The following SAG variants were observed in gnomAD, a reference collection of about 807,000 sequenced individuals.
The protein encoded by SAG is S-arrestin.
A neutral mutation model predicts 55.0 loss-of-function variants in SAG; 45 were observed. The ratio of observed to expected loss-of-function variants is 0.82; its 90% CI spans 0.64 to 1.05. The LOEUF (loss-of-function observed/expected upper bound fraction) is 1.05, where lower values mean the gene tolerates loss of function less well. Ranked by LOEUF, SAG falls within the 50% of genes least tolerant of loss-of-function variation. SAG has a pLI of 0.00. For missense variants in SAG, 455 were observed against 512.1 expected (o/e 0.89, Z 1.08); for synonymous variants, 189 against 197.4 (o/e 0.96, Z 0.36).
chr2:233,346,355 T>C (rs1701252169), intron 14 of SAG, 48 bp from the exon 15 acceptor site: 1 of 1,601,280 alleles, frequency 6.2e-7, no homozygotes, highest in Non-Finnish European at 8.6e-7. Flanking sequence ...GACTAACAAA[T>C]GTCTCTCTCT....
intron 11 of SAG, 171 bp from the exon 12 acceptor site, chr2:233,338,505 C>T (rs1701005893): frequency 4.7e-6 from 3 of 635,760 alleles, no homozygotes; most frequent in Non-Finnish European, 8.6e-6. Context: ...AAGGAGTCCC[C>T]ATACCCACTC....
chr2:233,314,897 G>A lies in SAG; in HGVS notation c.76-1178G>A, dbSNP rs528305765. ...TTCAAAATATTCATTCGAAGAAGGGGGCCAGCCAAGGGGGCCACACTCAAT... is the reference window on the plus strand; with the variant it reads ...TTCAAAATATTCATTCGAAGAAGGGAGCCAGCCAAGGGGGCCACACTCAAT... On this transcript the variant is annotated intron_variant, in intron 2 of 15. Coordinates refer to ENST00000409110, the MANE Select transcript of SAG (RefSeq NM_000541.5). 9.9e-5 allele frequency among the ~76,000 whole-genome samples: 15 copies of A among 152,238 alleles called. No individual in the cohort carries two copies. The South Asian group carries it at 2.5e-3, about 25-fold the overall frequency.
At chr2:233,315,135 C>T (rs1344592176) in intron 2 of SAG, among the ~76,000 whole-genome samples, 1 of 152,196 alleles carries the variant, frequency 6.6e-6, no homozygotes, top group East Asian at 1.9e-4. Context: ...AGGACAGGGC[C>T]AGGGCCTGTG....
At chr2:233,313,800 T>G (rs1700141953) in intron 2 of SAG, among the ~76,000 whole-genome samples, 1 of 149,880 alleles carries the variant, frequency 6.7e-6, no homozygotes, top group African/African-American at 2.5e-5. Flanking sequence ...AACTCCTGAC[T>G]TCAGGTGATC....
At chr2:233,345,749 C>T (rs1030506309) in intron 14 of SAG, 3 of 152,098 alleles carry the variant, frequency 2.0e-5, no homozygotes, top group African/African-American at 7.3e-5. Flanking sequence ...GGAGAAGCGA[C>T]ATCAGAGGGG....
chr2:233,343,695 C>T (rs764697113), intron 14 of SAG: 63 of 1,242,180 alleles, frequency 5.1e-5, no homozygotes, highest in East Asian at 4.8e-4. Flanking sequence ...TTCTCTGCAT[C>T]GAGGCAGCTT....
In SAG at chr2:233,328,514, TGCCCCACTTGAGATGGGTCCCCA is replaced by T; in HGVS notation, c.555_577del (p.Leu186SerfsTer2). ...GATTACTGATCCGCAAAGTACAGCA[TGCCCCACTTGAGATGGGTCCCCA>T]GCCCCGAGCTGAGGCGGCCTGGCAG... On this transcript the variant is annotated frameshift_variant, in exon 8 of 16. Transcript: ENST00000409110. LOFTEE classifies it high-confidence loss of function. 6.2e-7 allele frequency: 1 copy of T among 1,613,978 alleles called. No individual in the cohort carries two copies. Among genetic ancestry groups the T allele is most frequent in the African/African-American group, 1.3e-5 (1 of 75,074 alleles).
chr2:233,321,781 C>T (rs558430667), intron 5 of SAG, among the ~76,000 whole-genome samples: 1 of 152,234 alleles, frequency 6.6e-6, no homozygotes, highest in African/African-American at 2.4e-5. Flanking sequence ...CTATGTTTAT[C>T]ACAACTGTTT....
At chr2:233,315,982 G>T in intron 2 of SAG, 93 bp from the exon 3 acceptor site, 1 of 749,260 alleles carries the variant, frequency 1.3e-6, no homozygotes. Flanking sequence ...TTACAGGTGT[G>T]AGCCACCGCG....
At chr2:233,315,317 G>A (rs892895865) in intron 2 of SAG, among the ~76,000 whole-genome samples, 1 of 108,006 alleles carries the variant, frequency 9.3e-6, no homozygotes, top group African/African-American at 3.5e-5. Flanking sequence ...TTTTGAGACA[G>A]AGTCTTGCTC....
In SAG at chr2:233,322,937, T is replaced by C. The variant is rs1700431773; in HGVS notation, c.376-9T>C. On this transcript the variant is annotated splice_polypyrimidine_tract_variant and intron_variant, in intron 5 of 15. Coordinates refer to ENST00000409110, the MANE Select transcript of SAG (RefSeq NM_000541.5). ...AAATAAATGATTTTTTATTTGTTTC[T>C]TTCCACAGTTTCCTGACTACTTGCC... 5 of 1,530,666 alleles carry C rather than the reference T, an allele frequency of 3.3e-6. No individual in the cohort carries two copies. The highest frequency in any genetic ancestry group is 1.9e-5 in the Admixed American group (1 of 52,592). 94.8% of individuals were successfully genotyped at this position (1,530,666 alleles called of 1,614,324 possible).
At chr2:233,316,615 A>G (rs1301756129) in intron 3 of SAG, among the ~76,000 whole-genome samples, 1 of 152,110 alleles carries the variant, frequency 6.6e-6, no homozygotes, top group Non-Finnish European at 1.5e-5. Flanking sequence ...CCGGCTGGAA[A>G]GAATTTTAAA....
At chr2:233,317,454 T>C (rs1001672178) in intron 3 of SAG, among the ~76,000 whole-genome samples, 5 of 152,228 alleles carry the variant, frequency 3.3e-5, no homozygotes, top group Admixed American at 3.3e-4. Context: ...CAACTTCCTG[T>C]GAATCTATAA....
At chr2:233,318,330 A>AT (rs1700272533) in intron 3 of SAG, among the ~76,000 whole-genome samples, 1 of 149,816 alleles carries the variant, frequency 6.7e-6, no homozygotes, top group Non-Finnish European at 1.5e-5. Context: ...ACACCCAGCT[A>AT]ATTTTTTTTT....
In SAG at chr2:233,346,826, G is replaced by A. The variant is rs200602069; in HGVS notation, c.1132G>A (p.Val378Ile). 213 of 1,610,886 alleles carry A rather than the reference G, an allele frequency of 1.3e-4. 1 individual carries two copies. Among genetic ancestry groups the A allele is most frequent in the Middle Eastern group, 6.6e-4 (4 of 6,056 alleles). The stretch of plus-strand genomic sequence containing the variant: ...TTTTAGTTATCAGGATGCAAATTTA[G>A]TTTTTGAGGAGTTTGCTCGCCATAA... ...AKESYQDANLVFEEFARHNLK... is the reference protein window; with the variant it reads ...AKESYQDANLIFEEFARHNLK... The change falls in exon 16 of 16, where the codon GTT becomes ATT. Residue 378 changes from valine to isoleucine, a missense_variant. Val to Ile is a conservative substitution (Grantham distance 29). Transcript: ENST00000409110.
chr2:233,334,323 C>T (rs1700857971), intron 10 of SAG: 1 of 152,262 alleles, frequency 6.6e-6, no homozygotes, highest in Non-Finnish European at 1.5e-5. Context: ...GAGAAACACA[C>T]ATTGCTGTGT....
intron 6 of SAG, 65 bp from the exon 7 acceptor site, chr2:233,327,056 C>A: frequency 7.9e-7 from 1 of 1,258,518 alleles, no homozygotes; most frequent in South Asian, 1.2e-5. Flanking sequence ...GAGGTGTGGC[C>A]CTCTGGCCCG....
At chr2:233,309,118 T>C in intron 1 of SAG, 44 bp from the exon 2 acceptor site, 1 of 1,181,356 alleles carries the variant, frequency 8.5e-7, no homozygotes, top group Non-Finnish European at 1.2e-6. Context: ...TTTAGGATTG[T>C]CTTACCTTTC....
chr2:233,337,393 C>T (rs998587353), intron 11 of SAG, among the ~76,000 whole-genome samples: 1 of 152,128 alleles, frequency 6.6e-6, no homozygotes, highest in Non-Finnish European at 1.5e-5. Flanking sequence ...CTCCCACCAC[C>T]ACGCCTGGCT....
Sources: gnomAD v4.1 joint callset for allele counts (sites outside exome capture counted in the v4.1 genomes callset) on GRCh38, gnomAD v4.1.1 for gene constraint, MANE v1.5 for transcripts, NCBI Gene and HGNC (gene_info 2026-07-23, HGNC 2026-07-21) for gene names.